The following PPARGC1A variants were observed in gnomAD, a reference collection of about 807,000 sequenced individuals.
PPARGC1A encodes PPARG coactivator 1 alpha.
A neutral mutation model predicts 88.7 loss-of-function variants in PPARGC1A; 25 were observed. The ratio of observed to expected loss-of-function variants is 0.28; its 90% confidence interval spans 0.21 to 0.39. The LOEUF is 0.39. PPARGC1A is among the 10% of genes least tolerant of loss of function. The probability of loss-of-function intolerance (pLI) is 1.00; values close to 1 mark genes in which losing one functional copy is unlikely to be tolerated. For missense variants in PPARGC1A, 880 were observed against 968.7 expected (o/e 0.91, Z 1.22); for synonymous variants, 363 against 355.6 (o/e 1.02, Z -0.24).
At chr4:24,149,080 TG>T in the PPARGC1A span, among the ~76,000 whole-genome samples, 3,609 of 152,196 alleles carry the variant, frequency 0.024, 140 homozygotes, top group African/African-American at 0.082. Flanking sequence ...ATTTGTAAGT[TG>T]GGGGGAAGGG....
chr4:24,311,406 C>T, the PPARGC1A span, among the ~76,000 whole-genome samples: 19 of 149,100 alleles, frequency 1.3e-4, no homozygotes, highest in African/African-American at 3.9e-4. Context: ...CGGTCTTGGC[C>T]GGGTGGATCA....
the PPARGC1A span, among the ~76,000 whole-genome samples, chr4:24,286,079 T>C: frequency 6.6e-6 from 1 of 151,734 alleles, no homozygotes; most frequent in Non-Finnish European, 1.5e-5. Flanking sequence ...CCATACAGGC[T>C]TTCCCTCTCT....
the PPARGC1A span, among the ~76,000 whole-genome samples, chr4:24,371,667 G>A: frequency 3.7e-4 from 57 of 152,054 alleles, no homozygotes; most frequent in Middle Eastern, 6.8e-3. Context: ...GGGGCAGGGC[G>A]CGGTGGCTCA....
At chr4:24,188,673 T>C in the PPARGC1A span, among the ~76,000 whole-genome samples, 1 of 152,102 alleles carries the variant, frequency 6.6e-6, no homozygotes, top group South Asian at 2.1e-4. Context: ...GTAGAGAAAC[T>C]GAAACCCTCG....
chr4:24,070,573 A>G, the PPARGC1A span, among the ~76,000 whole-genome samples: 4 of 152,072 alleles, frequency 2.6e-5, no homozygotes, highest in East Asian at 1.9e-4. Flanking sequence ...AGAAACACAA[A>G]ATTAGGGAGA....
upstream of PPARGC1A, among the ~76,000 whole-genome samples, chr4:23,891,430 C>A (rs1201347811): frequency 6.6e-6 from 1 of 152,228 alleles, no homozygotes; most frequent in Non-Finnish European, 1.5e-5. Context: ...TTAATTTACA[C>A]TGTTCTTCAT....
the PPARGC1A span, among the ~76,000 whole-genome samples, chr4:24,217,267 C>T: frequency 6.6e-6 from 1 of 152,168 alleles, no homozygotes; most frequent in Non-Finnish European, 1.5e-5. Context: ...GCTTCAACTA[C>T]CTGAGATGTG....
At chr4:23,808,227 G>A in intron 10 of PPARGC1A, among the ~76,000 whole-genome samples, 1 of 147,624 alleles carries the variant, frequency 6.8e-6, no homozygotes, top group African/African-American at 2.5e-5. Context: ...TTCCAGCCTG[G>A]GAGACAGAGC....
the PPARGC1A span, among the ~76,000 whole-genome samples, chr4:24,082,870 A>G: frequency 6.6e-6 from 1 of 152,170 alleles, no homozygotes; most frequent in African/African-American, 2.4e-5. Flanking sequence ...GGAGTACAGG[A>G]GGCTGAACAT....
At chr4:23,796,357 T>G (rs1053305622) in intron 12 of PPARGC1A, among the ~76,000 whole-genome samples, 3 of 152,148 alleles carry the variant, frequency 2.0e-5, no homozygotes, top group Non-Finnish European at 4.4e-5. Context: ...TCATGAGAAT[T>G]TCCCCTAAAC....
At chr4:24,023,732 T>A in the PPARGC1A span, among the ~76,000 whole-genome samples, 2 of 152,156 alleles carry the variant, frequency 1.3e-5, no homozygotes, top group Non-Finnish European at 2.9e-5. Context: ...TTGTCCTGTA[T>A]CCTCTGGCTG....
At chr4:24,263,397 T>C in the PPARGC1A span, among the ~76,000 whole-genome samples, 1 of 152,102 alleles carries the variant, frequency 6.6e-6, no homozygotes, top group Non-Finnish European at 1.5e-5. Context: ...TCCTACTGTG[T>C]TTTAGGCCCT....
the PPARGC1A span, among the ~76,000 whole-genome samples, chr4:24,075,839 T>A: frequency 2.0e-5 from 3 of 152,122 alleles, no homozygotes; most frequent in African/African-American, 7.2e-5. Context: ...TTACCCAGTC[T>A]TGGGTATGTC....
chr4:24,179,964 T>C, the PPARGC1A span, among the ~76,000 whole-genome samples: 3 of 152,302 alleles, frequency 2.0e-5, no homozygotes, highest in East Asian at 1.9e-4. Flanking sequence ...GTTTTATTCA[T>C]AGATCCTACC....
the PPARGC1A span, among the ~76,000 whole-genome samples, chr4:24,424,802 G>C: frequency 1.3e-5 from 2 of 152,194 alleles, no homozygotes; most frequent in East Asian, 3.9e-4. Context: ...TGTGTGCTTA[G>C]ATTAATGAAC....
chr4:24,139,319 G>A, the PPARGC1A span, among the ~76,000 whole-genome samples: 1 of 151,976 alleles, frequency 6.6e-6, no homozygotes, highest in South Asian at 2.1e-4. Flanking sequence ...GTTTTTAGTA[G>A]AGACGGGGTT....
chr4:23,797,519 T>A (rs958402810), intron 12 of PPARGC1A, among the ~76,000 whole-genome samples: 5 of 152,186 alleles, frequency 3.3e-5, no homozygotes, highest in Admixed American at 2.6e-4. Context: ...CTTGAGGAAC[T>A]CTTTGAGAAT....
At chr4:24,460,432 A>G in the PPARGC1A span, among the ~76,000 whole-genome samples, 1 of 152,200 alleles carries the variant, frequency 6.6e-6, no homozygotes, top group African/African-American at 2.4e-5. Flanking sequence ...AATATGGCCA[A>G]AATTCTGGGA....
At chr4:24,360,975 C>G in the PPARGC1A span, among the ~76,000 whole-genome samples, 1 of 152,084 alleles carries the variant, frequency 6.6e-6, no homozygotes, top group Non-Finnish European at 1.5e-5. Context: ...ACAGACTTCA[C>G]AAAGGAGATG....
Sources: gnomAD v4.1 joint callset for allele counts (sites outside exome capture counted in the v4.1 genomes callset) on GRCh38, gnomAD v4.1.1 for gene constraint, MANE v1.5 for transcripts, NCBI Gene and HGNC (gene_info 2026-07-23, HGNC 2026-07-21) for gene names.